Variants in NBAS observed in about 807,000 individuals in gnomAD.
NBAS encodes the protein NAG/BC035112 fusion.
Under a neutral mutation model 302.5 loss-of-function variants are expected in NBAS, and 219 were observed. That is an observed-to-expected ratio of 0.72 (90% CI 0.65 to 0.81). The LOEUF (loss-of-function observed/expected upper bound fraction) is 0.81. NBAS is among the 30% of genes least tolerant of loss of function. The pLI, the probability that NBAS is intolerant of heterozygous loss-of-function variation, is 0.00. For synonymous variants in NBAS, 1,118 were observed against 1,021.6 expected (o/e 1.09, Z -1.80); for missense variants, 2,932 against 2,841.6 (o/e 1.03, Z -0.72).
At chr2:15,247,320 CA>C (rs1440325591) in intron 44 of NBAS, among the ~76,000 whole-genome samples, 1 of 152,140 alleles carries the variant, frequency 6.6e-6, no homozygotes, top group Non-Finnish European at 1.5e-5. Flanking sequence ...ATGAGGAAAT[CA>C]CATCAATTAA....
chr2:15,192,102 T>A (rs544578554), intron 48 of NBAS, among the ~76,000 whole-genome samples: 1 of 152,364 alleles, frequency 6.6e-6, no homozygotes, highest in East Asian at 1.9e-4. Context: ...TCACCCTGTT[T>A]CATTTTCCTT....
chr2:14,982,586 G>C, the NBAS span, among the ~76,000 whole-genome samples: 1 of 151,808 alleles, frequency 6.6e-6, no homozygotes, highest in Non-Finnish European at 1.5e-5. Flanking sequence ...AAAGCTTTAG[G>C]AAAAACATGA....
intron 6 of NBAS, among the ~76,000 whole-genome samples, chr2:15,551,161 T>C (rs1664362771): frequency 6.6e-6 from 1 of 152,188 alleles, no homozygotes; most frequent in African/African-American, 2.4e-5. Flanking sequence ...GGCCAAATCC[T>C]AGACTTCTTA....
At chr2:15,377,778 T>C (rs1216106000) in intron 30 of NBAS, among the ~76,000 whole-genome samples, 3 of 152,212 alleles carry the variant, frequency 2.0e-5, no homozygotes, top group Admixed American at 1.3e-4. Context: ...CTGTATACAC[T>C]AGCTCAATAA....
chr2:15,406,116 C>CATAAAAAAAAAAAAAAAAA (rs1676400392), intron 25 of NBAS, among the ~76,000 whole-genome samples: 1 of 134,526 alleles, frequency 7.4e-6, no homozygotes, highest in Non-Finnish European at 1.6e-5. Context: ...AAAAAAAAAA[C>CATAAAAAAAAAAAAAAAAA]AAAACAAAAA....
chr2:15,457,481 A>G (rs1392812986), intron 21 of NBAS, among the ~76,000 whole-genome samples: 2 of 152,214 alleles, frequency 1.3e-5, no homozygotes, highest in East Asian at 3.8e-4. Context: ...AGAAAAAAGA[A>G]AAGAGCAGAA....
At chr2:14,889,286 C>T in the NBAS span, among the ~76,000 whole-genome samples, 4 of 152,304 alleles carry the variant, frequency 2.6e-5, no homozygotes, top group East Asian at 7.7e-4. Flanking sequence ...TGCTGCTCAA[C>T]AAATGTCTGC....
chr2:15,029,014 A>C, the NBAS span, among the ~76,000 whole-genome samples: 1 of 152,154 alleles, frequency 6.6e-6, no homozygotes, highest in Non-Finnish European at 1.5e-5. Flanking sequence ...GAATGAGTTT[A>C]TTCCCTTATT....
intron 8 of NBAS, among the ~76,000 whole-genome samples, chr2:15,535,125 TA>T (rs112512360): frequency 2.6e-5 from 4 of 152,322 alleles, no homozygotes; most frequent in African/African-American, 9.6e-5. Flanking sequence ...AAGACTTAGA[TA>T]AAAGAGTACA....
intron 44 of NBAS, among the ~76,000 whole-genome samples, chr2:15,258,943 G>A (rs749025157): frequency 4.6e-5 from 7 of 152,054 alleles, no homozygotes; most frequent in Non-Finnish European, 7.4e-5. Flanking sequence ...AGGACCTACC[G>A]ATATGTGATG....
chr2:15,429,627 T>C (rs1677663324), intron 21 of NBAS, among the ~76,000 whole-genome samples: 1 of 152,172 alleles, frequency 6.6e-6, no homozygotes, highest in African/African-American at 2.4e-5. Context: ...GTTATTATTA[T>C]TGGGGCAAAT....
In NBAS at chr2:15,310,650, T is replaced by C. The variant is rs115439784; in HGVS notation, c.4583-1403A>G. 7.1e-3 allele frequency among the ~76,000 whole-genome samples: 1,088 copies of C among 152,304 alleles called. 11 individuals are homozygous for C. The highest frequency in any genetic ancestry group is 0.024 in the African/African-American group (985 of 41,558). ...AGATCAAAGAAGAGGTAGCTGGGCA[T>C]GGGGGTTCATGCCCGTAATCTCAAC... is the stretch of plus-strand genomic sequence containing the variant. On this transcript the variant is annotated intron_variant, in intron 38 of 51. Coordinates refer to ENST00000281513, the MANE Select transcript of NBAS (RefSeq NM_015909.4).
chr2:15,125,540 T>C, the NBAS span, among the ~76,000 whole-genome samples: 66 of 152,284 alleles, frequency 4.3e-4, no homozygotes, highest in African/African-American at 1.4e-3. Flanking sequence ...GGATTACAAC[T>C]GAACATGAGA....
At chr2:15,431,799 A>G (rs1208119593) in intron 21 of NBAS, among the ~76,000 whole-genome samples, 1 of 152,156 alleles carries the variant, frequency 6.6e-6, no homozygotes, top group African/African-American at 2.4e-5. Flanking sequence ...AATGGTATAC[A>G]TCTACTAACT....
intron 29 of NBAS, among the ~76,000 whole-genome samples, chr2:15,382,974 C>T (rs934783127): frequency 5.9e-5 from 9 of 152,096 alleles, no homozygotes; most frequent in African/African-American, 1.9e-4. Context: ...AAGTCAAGTA[C>T]GATTCACATT....
At chr2:14,806,012 C>A in the NBAS span, among the ~76,000 whole-genome samples, 4 of 152,214 alleles carry the variant, frequency 2.6e-5, no homozygotes, top group African/African-American at 9.6e-5. Flanking sequence ...ACACCCTCCA[C>A]TTCAATGAAC....
chr2:15,070,529 T>C, the NBAS span, among the ~76,000 whole-genome samples: 90,370 of 151,510 alleles, frequency 0.6, 27,325 homozygotes, highest in Admixed American at 0.69. Context: ...CTCCTCTGTG[T>C]CCCTAAGTCC....
chr2:15,504,007 GCATATAGC>G (rs1193296538), intron 11 of NBAS, 130 bp downstream of exon 11: 5 of 722,040 alleles, frequency 6.9e-6, no homozygotes, highest in Non-Finnish European at 1.3e-5. Flanking sequence ...TCTTACTAAT[GCATATAGC>G]CACATAGTGT....
At chr2:15,468,724 G>A (rs1001333045) in intron 16 of NBAS, among the ~76,000 whole-genome samples, 191 bp from the exon 17 acceptor site, 7 of 152,192 alleles carry the variant, frequency 4.6e-5, no homozygotes, top group Non-Finnish European at 1.0e-4. Flanking sequence ...CTGGATGCGG[G>A]GAGTGTGAGT....
Sources: allele counts gnomAD v4.1 joint callset (sites outside exome capture counted in the v4.1 genomes callset), GRCh38; gene constraint gnomAD v4.1.1; transcripts MANE v1.5; gene names NCBI Gene and HGNC (gene_info 2026-07-23, HGNC 2026-07-21).